The following CSMD1 variants were observed in gnomAD, a reference collection of about 807,000 sequenced individuals.
The protein encoded by CSMD1 is CUB and sushi domain-containing protein 1.
In CSMD1, 213 loss-of-function variants were observed where a neutral mutation model predicts 417.5. The ratio of observed to expected loss-of-function variants is 0.51; its 90% CI spans 0.46 to 0.57. The LOEUF (loss-of-function observed/expected upper bound fraction) is 0.57, where lower values mean the gene tolerates loss of function less well. CSMD1 is among the 20% of genes least tolerant of loss of function. The pLI is 0.00. For synonymous variants in CSMD1, 2,862 were observed against 1,736.8 expected (o/e 1.65, Z -16.11); for missense variants, 6,923 against 4,529.7 (o/e 1.53, Z -15.17).
At chr8:4,294,998 C>A (rs1270399885) in intron 3 of CSMD1, among the ~76,000 whole-genome samples, 2 of 149,740 alleles carry the variant, frequency 1.3e-5, no homozygotes, top group African/African-American at 4.9e-5. Flanking sequence ...CTGATCTGAA[C>A]CCAATCTAAG....
intron 2 of CSMD1, among the ~76,000 whole-genome samples, chr8:4,620,386 G>A (rs192225961): frequency 5.5e-4 from 84 of 151,494 alleles, no homozygotes; most frequent in Non-Finnish European, 9.5e-4. Flanking sequence ...TAAATATAAG[G>A]AATTTGAGTT....
chr8:4,436,723 G>A (rs749181021), intron 2 of CSMD1, among the ~76,000 whole-genome samples: 12 of 151,978 alleles, frequency 7.9e-5, no homozygotes, highest in South Asian at 2.1e-4. Context: ...ATGTCCATGA[G>A]TTTAATTGTT....
chr8:3,025,507 T>C (rs1809802670), intron 51 of CSMD1, among the ~76,000 whole-genome samples: 1 of 152,210 alleles, frequency 6.6e-6, no homozygotes, highest in Non-Finnish European at 1.5e-5. Context: ...TTGTGTGGTG[T>C]TATTCCGAAA....
At chr8:4,247,134 C>A (rs1700100) in intron 3 of CSMD1, among the ~76,000 whole-genome samples, 95,774 of 152,084 alleles carry the variant, frequency 0.63, 30,925 homozygotes, top group East Asian at 0.83. Flanking sequence ...GAAATCACAC[C>A]GTCCTCAATA....
intron 5 of CSMD1, among the ~76,000 whole-genome samples, chr8:3,979,887 T>A (rs118014675): frequency 6.6e-6 from 1 of 152,222 alleles, no homozygotes; most frequent in Admixed American, 6.5e-5. Flanking sequence ...ACAAATAAAC[T>A]TTGTAAACTG....
intron 5 of CSMD1, among the ~76,000 whole-genome samples, chr8:3,928,063 A>G (rs531476533): frequency 3.1e-4 from 47 of 152,158 alleles, no homozygotes; most frequent in South Asian, 1.0e-3. Flanking sequence ...AAATTTCCCC[A>G]CTTTATTCAA....
intron 25 of CSMD1, among the ~76,000 whole-genome samples, chr8:3,299,113 A>T (rs1804187164): frequency 6.6e-6 from 1 of 152,200 alleles, no homozygotes. Flanking sequence ...AATTGTTAAA[A>T]GTCAAAATGC....
chr8:4,547,468 A>T (rs1797687562), intron 2 of CSMD1, among the ~76,000 whole-genome samples: 1 of 152,302 alleles, frequency 6.6e-6, no homozygotes, highest in South Asian at 2.1e-4. Context: ...AACTTTCATT[A>T]TATGCAGCAG....
At chr8:4,926,206 G>A (rs549953897) in intron 1 of CSMD1, among the ~76,000 whole-genome samples, 3 of 152,306 alleles carry the variant, frequency 2.0e-5, no homozygotes, top group Admixed American at 6.5e-5. Context: ...GCAGGGTAAA[G>A]AAAGAGGCTG....
At chr8:4,688,426 GA>G (rs1806529888) in intron 1 of CSMD1, among the ~76,000 whole-genome samples, 1 of 152,108 alleles carries the variant, frequency 6.6e-6, no homozygotes. Flanking sequence ...ACCAAACCAA[GA>G]AGGGTGAGCC....
intron 7 of CSMD1, among the ~76,000 whole-genome samples, chr8:3,657,921 C>CT (rs1408401384): frequency 5.3e-5 from 8 of 151,992 alleles, no homozygotes; most frequent in African/African-American, 1.9e-4. Context: ...TTTCTTTTTC[C>CT]TTTTTCTGAT....
At chr8:3,278,579 T>G (rs1442941655) in intron 26 of CSMD1, 3 of 152,206 alleles carry the variant, frequency 2.0e-5, no homozygotes, top group African/African-American at 7.2e-5. Context: ...TCATAACTAA[T>G]TCCAATGTTT....
chr8:4,862,436 G>A (rs1191875199), intron 1 of CSMD1, among the ~76,000 whole-genome samples: 1 of 152,082 alleles, frequency 6.6e-6, no homozygotes, highest in East Asian at 1.9e-4. Flanking sequence ...TCTGTGTTGG[G>A]TAGAGGCATG....
intron 1 of CSMD1, among the ~76,000 whole-genome samples, chr8:4,738,882 T>G (rs1810415889): frequency 1.3e-5 from 2 of 152,116 alleles, no homozygotes; most frequent in African/African-American, 4.8e-5. Context: ...AGTCATCTAT[T>G]ATACTTAAAA....
chr8:4,034,610 C>G (rs897710705), intron 3 of CSMD1, among the ~76,000 whole-genome samples: 1 of 151,968 alleles, frequency 6.6e-6, no homozygotes, highest in Admixed American at 6.6e-5. Context: ...TCAGCTGAGC[C>G]GAGAGCTCTT....
intron 2 of CSMD1, among the ~76,000 whole-genome samples, chr8:4,557,530 T>C (rs950129557): frequency 6.6e-6 from 1 of 151,594 alleles, no homozygotes; most frequent in African/African-American, 2.4e-5. Context: ...ATAAAATACA[T>C]CTTTAACAAC....
chr8:4,794,455 A>C (rs1797862665), intron 1 of CSMD1, among the ~76,000 whole-genome samples: 1 of 152,138 alleles, frequency 6.6e-6, no homozygotes, highest in Non-Finnish European at 1.5e-5. Context: ...ATGGTTCCTC[A>C]TTGCTCTTAA....
intron 5 of CSMD1, among the ~76,000 whole-genome samples, chr8:3,900,136 G>C (rs908440680): frequency 6.6e-6 from 1 of 152,030 alleles, no homozygotes; most frequent in African/African-American, 2.4e-5. Flanking sequence ...CACTGCAGCT[G>C]GGTGACAGTG....
At chr8:3,506,208 C>G (rs1260961316) in intron 10 of CSMD1, among the ~76,000 whole-genome samples, 1 of 152,122 alleles carries the variant, frequency 6.6e-6, no homozygotes, top group South Asian at 2.1e-4. Context: ...GACGAGCTGT[C>G]AGGGAGACGG....
Sources: gnomAD v4.1 joint callset for allele counts (sites outside exome capture counted in the v4.1 genomes callset) on GRCh38, gnomAD v4.1.1 for gene constraint, MANE v1.5 for transcripts, NCBI Gene and HGNC (gene_info 2026-07-23, HGNC 2026-07-21) for gene names.